HYCC2: variants seen among roughly 807,000 people sequenced by gnomAD.
HYCC2 encodes the protein hyccin 2.
At chr2:200,995,114 TAA>T in the HYCC2 span, among the ~76,000 whole-genome samples, 1 of 151,788 alleles carries the variant, frequency 6.6e-6, no homozygotes, top group African/African-American at 2.4e-5. Context: ...GAATTATAAA[TAA>T]GTTTATCTGC....
the HYCC2 span, among the ~76,000 whole-genome samples, chr2:201,042,878 C>T: frequency 6.6e-6 from 1 of 151,708 alleles, no homozygotes; most frequent in Non-Finnish European, 1.5e-5. Context: ...TGCCCGGCCG[C>T]CCCGTCTGGG....
chr2:201,047,082 A>G, the HYCC2 span, among the ~76,000 whole-genome samples: 1 of 152,232 alleles, frequency 6.6e-6, no homozygotes, highest in South Asian at 2.1e-4. Context: ...TGAAGATGCA[A>G]CATTTCACTA....
the HYCC2 span, among the ~76,000 whole-genome samples, chr2:200,998,450 C>T: frequency 6.6e-6 from 1 of 152,196 alleles, no homozygotes; most frequent in Non-Finnish European, 1.5e-5. Context: ...ACCTCTGTAG[C>T]TCTAACATAG....
chr2:201,053,606 A>T, the HYCC2 span, among the ~76,000 whole-genome samples: 1 of 152,216 alleles, frequency 6.6e-6, no homozygotes. Context: ...CAAATGTGTG[A>T]GTGAAGCCAT....
the HYCC2 span, among the ~76,000 whole-genome samples, chr2:201,000,321 G>A: frequency 4.0e-5 from 6 of 151,870 alleles, no homozygotes; most frequent in South Asian, 1.2e-3. Context: ...GTTCTAGGGT[G>A]CAGGCTGCAG....
the HYCC2 span, among the ~76,000 whole-genome samples, chr2:201,000,071 A>G: frequency 2.0e-5 from 3 of 149,256 alleles, no homozygotes; most frequent in South Asian, 2.1e-4. Flanking sequence ...AAAAAAAAAA[A>G]AAAAAAAAAG....
chr2:201,063,034 T>C, the HYCC2 span: 2 of 1,596,744 alleles, frequency 1.3e-6, no homozygotes, highest in Admixed American at 1.7e-5. Context: ...TTCTCCTTTC[T>C]GCCCGTGGAC....
At chr2:201,008,657 G>A in the HYCC2 span, among the ~76,000 whole-genome samples, 1 of 152,050 alleles carries the variant, frequency 6.6e-6, no homozygotes, top group Non-Finnish European at 1.5e-5. Flanking sequence ...CACTTTGTGA[G>A]GCTGAGGCAG....
At chr2:201,028,881 T>C in the HYCC2 span, among the ~76,000 whole-genome samples, 2 of 152,088 alleles carry the variant, frequency 1.3e-5, no homozygotes, top group East Asian at 3.8e-4. Context: ...ACCTAGGCAA[T>C]ACCATTCAGG....
chr2:201,049,312 C>T, the HYCC2 span, among the ~76,000 whole-genome samples: 20 of 152,114 alleles, frequency 1.3e-4, no homozygotes, highest in Non-Finnish European at 2.8e-4. Context: ...ATACAGAACA[C>T]TGTAACTAGC....
chr2:201,011,644 T>A, the HYCC2 span, among the ~76,000 whole-genome samples: 1 of 152,240 alleles, frequency 6.6e-6, no homozygotes, highest in African/African-American at 2.4e-5. Context: ...TTAACAAATT[T>A]GTACACTTTG....
At chr2:200,992,213 T>C in the HYCC2 span, 1 of 984,684 alleles carries the variant, frequency 1.0e-6, no homozygotes, top group African/African-American at 1.6e-5. Flanking sequence ...TGGATTGTCT[T>C]ACATTTTTAA....
At chr2:201,046,694 A>G in the HYCC2 span, among the ~76,000 whole-genome samples, 1 of 152,194 alleles carries the variant, frequency 6.6e-6, no homozygotes, top group Non-Finnish European at 1.5e-5. Context: ...GTAGACTCTC[A>G]GTTTAAAAAG....
chr2:201,053,865 G>A, the HYCC2 span, among the ~76,000 whole-genome samples: 1 of 152,208 alleles, frequency 6.6e-6, no homozygotes, highest in African/African-American at 2.4e-5. Context: ...TTGGGAGGCT[G>A]AAGTAGGAGA....
chr2:201,022,805 A>C, the HYCC2 span: 1 of 1,393,034 alleles, frequency 7.2e-7, no homozygotes, highest in Non-Finnish European at 1.0e-6. Flanking sequence ...CACTATGTAG[A>C]AATTATTTTT....
the HYCC2 span, among the ~76,000 whole-genome samples, chr2:201,026,063 G>A: frequency 6.6e-6 from 1 of 152,110 alleles, no homozygotes; most frequent in African/African-American, 2.4e-5. Context: ...CTGTATTCAG[G>A]AGACCCATCT....
the HYCC2 span, among the ~76,000 whole-genome samples, chr2:201,034,577 C>A: frequency 6.6e-6 from 1 of 152,160 alleles, no homozygotes; most frequent in African/African-American, 2.4e-5. Flanking sequence ...CAGTCTATGT[C>A]TTTTAATTGG....
the HYCC2 span, among the ~76,000 whole-genome samples, chr2:201,010,651 G>C: frequency 6.6e-6 from 1 of 151,950 alleles, no homozygotes; most frequent in Non-Finnish European, 1.5e-5. Context: ...CAATTAGAGT[G>C]TCAACATTCT....
chr2:201,022,711 C>G, the HYCC2 span: 1 of 572,982 alleles, frequency 1.7e-6, no homozygotes. Context: ...GAATGAAAAA[C>G]AGCAGAAAGA....
Sources: gnomAD v4.1 joint callset for allele counts (sites outside exome capture counted in the v4.1 genomes callset) on GRCh38, gnomAD v4.1.1 for gene constraint, MANE v1.5 for transcripts, NCBI Gene and HGNC (gene_info 2026-07-23, HGNC 2026-07-21) for gene names.